Variants in CNTN4 observed in about 807,000 individuals in gnomAD.
CNTN4 encodes contactin-4.
Under a neutral mutation model 122.5 loss-of-function variants are expected in CNTN4, and 77 were observed. The observed-to-expected ratio is 0.63, with a 90% CI of 0.52 to 0.76. The LOEUF is 0.76. Ranked by LOEUF, CNTN4 falls within the 30% of genes least tolerant of loss-of-function variation. The probability of loss-of-function intolerance (pLI) is 0.00; values close to 1 mark genes in which losing one functional copy is unlikely to be tolerated. For synonymous variants in CNTN4, 512 were observed against 447.0 expected, an observed-to-expected ratio of 1.15 and a Z score of -1.83; for missense variants, 1,256 against 1,259.1, an observed-to-expected ratio of 1.00 and a Z score of 0.04.
chr3:2,977,753 A>G (rs9834836), intron 13 of CNTN4, among the ~76,000 whole-genome samples: 69,386 of 152,012 alleles, frequency 0.46, 18,684 homozygotes, highest in African/African-American at 0.77. Flanking sequence ...CAGTTTCCCT[A>G]TAAAAATCAT....
intron 2 of CNTN4, among the ~76,000 whole-genome samples, chr3:2,208,454 G>A (rs2038461716): frequency 6.6e-6 from 1 of 152,126 alleles, no homozygotes; most frequent in Non-Finnish European, 1.5e-5. Context: ...TGGTTCTGAT[G>A]GATGAGCAAA....
chr3:2,733,700 AT>A, intron 4 of CNTN4, among the ~76,000 whole-genome samples: 1 of 151,672 alleles, frequency 6.6e-6, no homozygotes. Context: ...TGCCCGGCTA[AT>A]TTTTTTGAAT....
chr3:2,242,105 A>C (rs189066212), intron 2 of CNTN4, among the ~76,000 whole-genome samples: 1 of 152,290 alleles, frequency 6.6e-6, no homozygotes, highest in East Asian at 1.9e-4. Context: ...AATTATTTTA[A>C]AATACATTAA....
At chr3:2,828,292 T>C (rs977522319) in intron 7 of CNTN4, among the ~76,000 whole-genome samples, 1 of 152,098 alleles carries the variant, frequency 6.6e-6, no homozygotes, top group Non-Finnish European at 1.5e-5. Flanking sequence ...TCATGTCACC[T>C]GAGAAGCGAC....
intron 3 of CNTN4, among the ~76,000 whole-genome samples, chr3:2,340,710 T>TATATATAGAGAGAGAGAGAGAGAGAG: frequency 1.6e-4 from 3 of 18,300 alleles, no homozygotes; most frequent in Non-Finnish European, 3.2e-4. Context: ...TATATATATA[T>TATATATAGAGAGAGAGAGAGAGAGAG]AGAGAGAGAG....
intron 3 of CNTN4, among the ~76,000 whole-genome samples, chr3:2,560,548 C>G (rs953205316): frequency 3.9e-5 from 6 of 152,154 alleles, no homozygotes; most frequent in African/African-American, 1.4e-4. Flanking sequence ...CTTGTGTTAT[C>G]TCATATACTT....
intron 3 of CNTN4, among the ~76,000 whole-genome samples, chr3:2,390,136 T>C (rs1210012541): frequency 6.6e-6 from 1 of 151,990 alleles, no homozygotes; most frequent in African/African-American, 2.4e-5. Flanking sequence ...TCCTTGATTT[T>C]AGGAAATATA....
intron 3 of CNTN4, among the ~76,000 whole-genome samples, chr3:2,376,147 C>T (rs561919946): frequency 3.9e-5 from 6 of 151,952 alleles, no homozygotes; most frequent in Non-Finnish European, 7.4e-5. Flanking sequence ...GTCATGTAGC[C>T]CCAGGATTAT....
intron 2 of CNTN4, among the ~76,000 whole-genome samples, chr3:2,120,406 T>TATAAATATATATATATATATATATATATA (rs1491534107): frequency 8.1e-5 from 2 of 24,560 alleles, no homozygotes; most frequent in African/African-American, 2.7e-4. Flanking sequence ...TATATATATA[T>TATAAATATATATATATATATATATATATA]TTTTTTTTTT....
At chr3:2,445,904 GC>G (rs2048609234) in intron 3 of CNTN4, among the ~76,000 whole-genome samples, 1 of 152,058 alleles carries the variant, frequency 6.6e-6, no homozygotes, top group Non-Finnish European at 1.5e-5. Context: ...TACATTGTCT[GC>G]ATGTTCTGCC....
At chr3:2,741,544 A>T (rs1328164314) in intron 5 of CNTN4, among the ~76,000 whole-genome samples, 1 of 152,232 alleles carries the variant, frequency 6.6e-6, no homozygotes, top group Non-Finnish European at 1.5e-5. Flanking sequence ...TAAACCAAGC[A>T]CTTGTCTTGG....
At chr3:2,583,595 T>C (rs10510235) in intron 4 of CNTN4, among the ~76,000 whole-genome samples, 5,835 of 152,324 alleles carry the variant, frequency 0.038, 372 homozygotes, top group East Asian at 0.22. Flanking sequence ...ACTTGGTGAA[T>C]GCCCATGCAG....
chr3:2,780,573 A>G (rs994642842), intron 6 of CNTN4, among the ~76,000 whole-genome samples: 3 of 152,194 alleles, frequency 2.0e-5, no homozygotes, highest in African/African-American at 4.8e-5. Flanking sequence ...CATGTCTGCC[A>G]TTGAGTTCCT....
rs745971930 is a variant in CNTN4, at chr3:2,646,696, TA to T, written c.55+75142del. On this transcript the variant is annotated intron_variant, in intron 4 of 24. Transcript: ENST00000418658. ...ACAGGAATTAATTTTTTCATAGTTC[TA>T]AAAGCTAGAAGTCCAAGATCAAGGC... 6.6e-5 allele frequency among the ~76,000 whole-genome samples: 10 copies of T among 152,340 alleles called. No individual in the cohort carries two copies. The East Asian group carries it at 9.6e-4, about 15-fold the overall frequency.
At chr3:2,955,462 A>G (rs2094789951) in intron 13 of CNTN4, among the ~76,000 whole-genome samples, 1 of 152,158 alleles carries the variant, frequency 6.6e-6, no homozygotes, top group Admixed American at 6.5e-5. Flanking sequence ...CATTACCACA[A>G]AATGGCTGCA....
chr3:3,016,680 C>T (rs566894773), intron 14 of CNTN4, among the ~76,000 whole-genome samples: 4 of 152,284 alleles, frequency 2.6e-5, no homozygotes, highest in Admixed American at 2.0e-4. Flanking sequence ...CTTTATGCTA[C>T]ACATTTTGAC....
chr3:2,551,196 C>G (rs1196182168), intron 3 of CNTN4, among the ~76,000 whole-genome samples: 1 of 151,988 alleles, frequency 6.6e-6, no homozygotes, highest in African/African-American at 2.4e-5. Context: ...TGCATTAATT[C>G]CTTCAGAACC....
At chr3:2,424,284 C>T (rs2047731674) in intron 3 of CNTN4, among the ~76,000 whole-genome samples, 1 of 142,058 alleles carries the variant, frequency 7.0e-6, no homozygotes, top group African/African-American at 2.6e-5. Flanking sequence ...TCTCACTGTT[C>T]AATTCCCACC....
chr3:2,935,090 C>T (rs1171552255), intron 13 of CNTN4, among the ~76,000 whole-genome samples: 1 of 152,142 alleles, frequency 6.6e-6, no homozygotes, highest in Non-Finnish European at 1.5e-5. Flanking sequence ...CTCTGGGAGA[C>T]CCCATAAACT....
Sources: gnomAD v4.1 joint callset for allele counts (sites outside exome capture counted in the v4.1 genomes callset) on GRCh38, gnomAD v4.1.1 for gene constraint, MANE v1.5 for transcripts, NCBI Gene and HGNC (gene_info 2026-07-23, HGNC 2026-07-21) for gene names.